Variants in HCRTR2 observed in about 807,000 individuals in gnomAD.
HCRTR2 encodes hypocretin receptor 2.
A neutral mutation model predicts 49.0 loss-of-function variants in HCRTR2; 22 were observed. The observed-to-expected ratio is 0.45, with a 90% CI of 0.32 to 0.64. HCRTR2 has a LOEUF of 0.64. Ranked by LOEUF, HCRTR2 falls within the 30% of genes least tolerant of loss-of-function variation. The probability of loss-of-function intolerance (pLI) is 0.04; values close to 1 mark genes in which losing one functional copy is unlikely to be tolerated. For synonymous variants in HCRTR2, 236 were observed against 205.3 expected (o/e 1.15, Z -1.28); for missense variants, 491 against 559.4 (o/e 0.88, Z 1.23).
At chr6:55,269,394 G>A (rs759573700) in intron 4 of HCRTR2, among the ~76,000 whole-genome samples, 1 of 151,962 alleles carries the variant, frequency 6.6e-6, no homozygotes, top group Admixed American at 6.6e-5. Flanking sequence ...AAGGCATGAC[G>A]ATCACAAAAT....
At chr6:55,205,237 C>T (rs115416055) in intron 1 of HCRTR2, among the ~76,000 whole-genome samples, 2 of 151,696 alleles carry the variant, frequency 1.3e-5, no homozygotes, top group African/African-American at 2.4e-5. Flanking sequence ...AGCTGTGAGC[C>T]GAGATGAGAT....
intron 1 of HCRTR2, among the ~76,000 whole-genome samples, 186 bp from the exon 2 acceptor site, chr6:55,248,453 G>T (rs1428446491): frequency 1.3e-5 from 2 of 152,114 alleles, no homozygotes; most frequent in African/African-American, 4.8e-5. Flanking sequence ...CAAGGTAAAT[G>T]AACTGATTTT....
chr6:55,262,426 T>C (rs9382474), intron 3 of HCRTR2, among the ~76,000 whole-genome samples: 23,196 of 133,108 alleles, frequency 0.17, 2,479 homozygotes, highest in Non-Finnish European at 0.24. Flanking sequence ...ATATATAATA[T>C]TACATATAAA....
chr6:55,116,919 G>A (rs1004026919), intron 1 of HCRTR2, among the ~76,000 whole-genome samples: 2 of 151,632 alleles, frequency 1.3e-5, no homozygotes, highest in Non-Finnish European at 3.0e-5. Context: ...CTTGCTAAAC[G>A]TGCTTTCCTC....
At chr6:55,247,839 A>G (rs2127311424) in intron 1 of HCRTR2, among the ~76,000 whole-genome samples, 1 of 152,210 alleles carries the variant, frequency 6.6e-6, no homozygotes, top group Non-Finnish European at 1.5e-5. Context: ...AGAGGCCCTA[A>G]GGTAATAGAA....
intron 1 of HCRTR2, among the ~76,000 whole-genome samples, chr6:55,199,727 G>C (rs558964499): frequency 3.9e-5 from 6 of 152,098 alleles, no homozygotes; most frequent in South Asian, 2.1e-4. Flanking sequence ...TGTAATTTGG[G>C]GAAAATTTAA....
At chr6:55,233,561 G>A (rs1766157370) in intron 1 of HCRTR2, among the ~76,000 whole-genome samples, 1 of 152,164 alleles carries the variant, frequency 6.6e-6, no homozygotes, top group Admixed American at 6.6e-5. Flanking sequence ...GCCAGGCATG[G>A]TGGTGCACAC....
rs200775372 is a variant in HCRTR2 at position 55,174,538 on chromosome 6, C to G, written c.-50C>G. The G allele has an allele frequency of 1.4e-4, 203 of 1,447,276 alleles. No homozygotes were observed. The highest frequency in any genetic ancestry group is 1.9e-4 in the Non-Finnish European group (191 of 1,028,298). 89.7% of individuals were successfully genotyped at this position (1,447,276 alleles called of 1,614,324 possible). ...CCGCAAATCACCAGTGCTCATGGGG[C>G]AGGCGGAGAGGAGCTTGCAGCATTG... On this transcript the variant is annotated 5_prime_UTR_variant, in exon 1 of 7. Coordinates refer to ENST00000370862, the MANE Select transcript of HCRTR2 (RefSeq NM_001384272.1).
intron 1 of HCRTR2, among the ~76,000 whole-genome samples, chr6:55,177,215 C>T (rs1033807551): frequency 1.3e-4 from 20 of 152,298 alleles, no homozygotes; most frequent in Admixed American, 9.2e-4. Context: ...AAGATTTACT[C>T]AAAGCACTCT....
chr6:55,180,770 G>T (rs900667333), intron 1 of HCRTR2, among the ~76,000 whole-genome samples: 3 of 151,730 alleles, frequency 2.0e-5, no homozygotes, highest in African/African-American at 7.3e-5. Flanking sequence ...AAATCATGTT[G>T]CTATTGATTT....
intron 1 of HCRTR2, among the ~76,000 whole-genome samples, chr6:55,202,766 C>CA (rs5876431): frequency 0.86 from 130,414 of 151,958 alleles, 56,435 homozygotes; most frequent in East Asian, 0.97. Flanking sequence ...CAAATGAAGC[C>CA]GGGGGAGGTT....
At chr6:55,232,278 CTT>C (rs1420866242) in intron 1 of HCRTR2, among the ~76,000 whole-genome samples, 1 of 152,122 alleles carries the variant, frequency 6.6e-6, no homozygotes, top group Non-Finnish European at 1.5e-5. Context: ...TATATATTCA[CTT>C]ATTAAAATGC....
intron 1 of HCRTR2, among the ~76,000 whole-genome samples, chr6:55,245,511 C>A: frequency 9.5e-6 from 1 of 105,672 alleles, no homozygotes; most frequent in Non-Finnish European, 1.8e-5. Flanking sequence ...ATATATCTTC[C>A]CCAAAAGTGT....
At chr6:55,127,218 T>G (rs1764293680) in intron 1 of HCRTR2, among the ~76,000 whole-genome samples, 1 of 151,956 alleles carries the variant, frequency 6.6e-6, no homozygotes, top group Admixed American at 6.6e-5. Flanking sequence ...CCAGAAGGAA[T>G]CTCCTGGTCT....
chr6:55,211,142 A>G (rs1296038250), intron 1 of HCRTR2, among the ~76,000 whole-genome samples: 1 of 152,160 alleles, frequency 6.6e-6, no homozygotes, highest in Non-Finnish European at 1.5e-5. Flanking sequence ...CTATACCATT[A>G]GATTTGTGTA....
At chr6:55,144,474 G>C (rs1764552382) in intron 1 of HCRTR2, among the ~76,000 whole-genome samples, 3 of 151,988 alleles carry the variant, frequency 2.0e-5, no homozygotes, top group Admixed American at 2.0e-4. Context: ...AAATATTGGT[G>C]GTCTACAGCA....
intron 1 of HCRTR2, among the ~76,000 whole-genome samples, chr6:55,201,167 G>A (rs1002864455): frequency 2.0e-5 from 3 of 151,926 alleles, no homozygotes; most frequent in Non-Finnish European, 4.4e-5. Flanking sequence ...TTTGGATTTT[G>A]GATTAAGTGT....
chr6:55,214,701 A>G (rs555774476), intron 1 of HCRTR2, among the ~76,000 whole-genome samples: 2 of 152,024 alleles, frequency 1.3e-5, no homozygotes, highest in African/African-American at 4.8e-5. Context: ...AAAGACAATG[A>G]GCTTAGAAAA....
chr6:55,272,847 CTTTTT>C (rs993989385), intron 4 of HCRTR2, among the ~76,000 whole-genome samples: 3 of 111,302 alleles, frequency 2.7e-5, no homozygotes, highest in African/African-American at 6.8e-5. Context: ...GAGGGAAAAC[CTTTTT>C]TTTTTTTTTT....
Sources: allele counts gnomAD v4.1 joint callset (sites outside exome capture counted in the v4.1 genomes callset), GRCh38; gene constraint gnomAD v4.1.1; transcripts MANE v1.5; gene names NCBI Gene and HGNC (gene_info 2026-07-23, HGNC 2026-07-21).